The following DNAAF11 variants were observed in gnomAD, a reference collection of about 807,000 sequenced individuals.
DNAAF11 encodes dynein axonemal assembly factor 11, also known as leucine rich repeat containing 6.
DNAAF11 carries 45 observed loss-of-function variants against 60.8 expected under a neutral mutation model. The ratio of observed to expected loss-of-function variants is 0.74; its 90% CI spans 0.58 to 0.95. The LOEUF (loss-of-function observed/expected upper bound fraction) is 0.95, where lower values mean the gene tolerates loss of function less well. Among genes scored for constraint, DNAAF11 ranks in the 40% least tolerant of loss-of-function variants. The pLI is 0.00. For missense variants in DNAAF11, 546 were observed against 546.2 expected (o/e 1.00, Z 0.00); for synonymous variants, 191 against 183.5 (o/e 1.04, Z -0.33).
chr8:132,601,258 A>G (rs1276534478), intron 10 of DNAAF11, among the ~76,000 whole-genome samples: 1 of 152,232 alleles, frequency 6.6e-6, no homozygotes, highest in Non-Finnish European at 1.5e-5. Context: ...GCTATCATTA[A>G]AAAGTCAGGA....
the DNAAF11 span, among the ~76,000 whole-genome samples, chr8:132,698,821 C>G: frequency 6.6e-6 from 1 of 152,038 alleles, no homozygotes; most frequent in Non-Finnish European, 1.5e-5. Context: ...ATGGTGCACA[C>G]CTGTAATCCC....
At chr8:132,666,605 T>C (rs1248487973) in intron 1 of DNAAF11, among the ~76,000 whole-genome samples, 1 of 151,992 alleles carries the variant, frequency 6.6e-6, no homozygotes, top group Non-Finnish European at 1.5e-5. Flanking sequence ...AAGCAGGCAA[T>C]GTCGACAGAG....
intron 6 of DNAAF11, among the ~76,000 whole-genome samples, chr8:132,623,891 C>G (rs1455193018): frequency 6.6e-6 from 1 of 152,074 alleles, no homozygotes; most frequent in Non-Finnish European, 1.5e-5. Context: ...TTTCTTTTGT[C>G]CCTGCTTACA....
At position 132,571,373 on chromosome 8, in the gene DNAAF11, G is replaced by C. The variant is rs1222861401; in HGVS notation, c.*933C>G. 2.0e-5 allele frequency among the ~76,000 whole-genome samples: 3 copies of C among 152,150 alleles called. No individual in the cohort carries two copies. Among genetic ancestry groups the C allele is most frequent in the Admixed American group, 6.5e-5 (1 of 15,280 alleles). ...TAAATGTTGCTATATCATGATCAGA[G>C]TAACAGTAATTTGTCCTACAATGTA... On this transcript the variant is annotated 3_prime_UTR_variant, in exon 12 of 12. Transcript: ENST00000620350.
rs1025977287 is a variant in DNAAF11, at chr8:132,575,633, C to T, written c.1227-3153G>A. Among the ~76,000 whole-genome samples, 51 of 152,216 alleles carry T rather than the reference C, an allele frequency of 3.4e-4. 1 individual carries two copies. Among genetic ancestry groups the T allele is most frequent in the South Asian group, 2.1e-4 (1 of 4,818 alleles). ...CATCACCAAGGCCCGGAAAGAATTACGGTAGGAATCATAGAGTAAGGGAAC... is the reference window on the plus strand; with the variant it reads ...CATCACCAAGGCCCGGAAAGAATTATGGTAGGAATCATAGAGTAAGGGAAC... On this transcript the variant is annotated intron_variant, in intron 11 of 11. Transcript: ENST00000620350.
At chr8:132,687,516 C>T in the DNAAF11 span, 7 of 428,920 alleles carry the variant, frequency 1.6e-5, no homozygotes, top group Non-Finnish European at 2.8e-5. Flanking sequence ...CTCATCTCAT[C>T]GCTTCAGACA....
Position 132,625,442 on chromosome 8 carries a change from C to T in DNAAF11, c.666G>A (p.Glu222=). ...CTGGTGCCTGTAGGTGGTCTTTGCT[C>T]TCTAAAGAGGAACTAGGAAAAACAA... ...TDINATLSSL[E]SKDHLQAPDT... Residue 222 remains glutamate, a synonymous_variant, in exon 6 of 12, where the codon GAG becomes GAA. Coordinates refer to ENST00000620350, the MANE Select transcript of DNAAF11 (RefSeq NM_012472.6). 2 of 1,606,112 alleles carry T rather than the reference C, an allele frequency of 1.2e-6. No individual in the cohort carries two copies. Among genetic ancestry groups the T allele is most frequent in the Non-Finnish European group, 1.7e-6 (2 of 1,177,274 alleles).
At chr8:132,681,318 C>CTTTTT in the DNAAF11 span, among the ~76,000 whole-genome samples, 1 of 129,104 alleles carries the variant, frequency 7.7e-6, no homozygotes, top group African/African-American at 3.0e-5. Context: ...CCAACCATTC[C>CTTTTT]TTTTTTTTTT....
At chr8:132,645,895 C>G (rs1822329990) in intron 3 of DNAAF11, among the ~76,000 whole-genome samples, 1 of 152,142 alleles carries the variant, frequency 6.6e-6, no homozygotes, top group Admixed American at 6.5e-5. Context: ...AGAATGGAAC[C>G]AAGTTGGAAA....
rs559143222 is a variant in DNAAF11 at position 132,662,411 on chromosome 8, T to C, written c.11-784A>G. Among the ~76,000 whole-genome samples, 8 of 152,260 alleles carry C rather than the reference T, an allele frequency of 5.3e-5. No individual in the cohort carries two copies. The East Asian group carries it at 9.7e-4, about 18-fold the overall frequency. On this transcript the variant is annotated intron_variant, in intron 1 of 11. Coordinates refer to ENST00000620350, the MANE Select transcript of DNAAF11 (RefSeq NM_012472.6). The stretch of plus-strand genomic sequence containing the variant: ...CATGAATCATCTTTGTAAAGATGCA[T>C]TGAAACCAAAAAGGTAATGACAAGG...
upstream of DNAAF11, among the ~76,000 whole-genome samples, chr8:132,676,262 C>T (rs1340890676): frequency 6.6e-6 from 1 of 152,090 alleles, no homozygotes; most frequent in Non-Finnish European, 1.5e-5. Context: ...TTCCCCAGAC[C>T]CTTCTCCAAA....
At chr8:132,681,003 C>CTTTTTTTTTTTTTT in the DNAAF11 span, among the ~76,000 whole-genome samples, 17 of 52,336 alleles carry the variant, frequency 3.2e-4, 5 homozygotes, top group South Asian at 9.4e-4. Flanking sequence ...ATAACTATTC[C>CTTTTTTTTTTTTTT]TTTTTTTTTT....
At position 132,665,837 on chromosome 8, in the gene DNAAF11, T is replaced by C. The variant is rs1586738860; in HGVS notation, c.11-4210A>G. Among the ~76,000 whole-genome samples, 3 of 152,348 alleles carry C rather than the reference T, an allele frequency of 2.0e-5. No homozygotes were observed. In the East Asian group the frequency reaches 5.8e-4, roughly 29 times the overall value. On this transcript the variant is annotated intron_variant, in intron 1 of 11. Transcript: ENST00000620350. ...CACTATTCACAATATCAAAGTAATG[T>C]ATTCAACCCAAGTCCCCATCAACAG...
intron 3 of DNAAF11, among the ~76,000 whole-genome samples, chr8:132,642,742 C>T (rs954219000): frequency 5.9e-5 from 9 of 152,174 alleles, no homozygotes; most frequent in Middle Eastern, 3.2e-3. Context: ...TGGCTGCTTC[C>T]GGAATCTATC....
chr8:132,637,173 G>A (rs1243025148), intron 4 of DNAAF11, among the ~76,000 whole-genome samples: 1 of 152,158 alleles, frequency 6.6e-6, no homozygotes, highest in Admixed American at 6.5e-5. Flanking sequence ...TGAGGTTCCT[G>A]CACCAGCAGC....
chr8:132,695,005 G>A, the DNAAF11 span, among the ~76,000 whole-genome samples: 2 of 152,156 alleles, frequency 1.3e-5, no homozygotes, highest in African/African-American at 4.8e-5. Context: ...TAAGAAGGAG[G>A]GAGTCATTAC....
intron 3 of DNAAF11, among the ~76,000 whole-genome samples, chr8:132,650,245 AT>A (rs1822865791): frequency 6.6e-6 from 1 of 152,224 alleles, no homozygotes; most frequent in Admixed American, 6.5e-5. Context: ...GGAAACCATC[AT>A]TCTGAGCAAA....
chr8:132,611,230 G>A, intron 9 of DNAAF11, 64 bp downstream of exon 9: 1 of 1,128,912 alleles, frequency 8.9e-7, no homozygotes, highest in Non-Finnish European at 1.3e-6. Flanking sequence ...AAACATTTGA[G>A]GCACCACAGC....
intron 11 of DNAAF11, among the ~76,000 whole-genome samples, chr8:132,575,403 G>A (rs755964109): frequency 1.8e-4 from 28 of 152,314 alleles, no homozygotes; most frequent in African/African-American, 4.1e-4. Flanking sequence ...ATAAGAGTTC[G>A]TTATGAAATT....
Sources: gnomAD v4.1 joint callset for allele counts (sites outside exome capture counted in the v4.1 genomes callset) on GRCh38, gnomAD v4.1.1 for gene constraint, MANE v1.5 for transcripts, NCBI Gene and HGNC (gene_info 2026-07-23, HGNC 2026-07-21) for gene names.